The following ZBTB11 variants were observed in gnomAD, a reference collection of about 807,000 sequenced individuals.
ZBTB11 encodes the protein zinc finger and BTB domain containing 11, also known as zinc finger and BTB domain-containing protein 11.
In ZBTB11, 68 loss-of-function variants were observed where a neutral mutation model predicts 113.1. The ratio of observed to expected loss-of-function variants is 0.60; its 90% CI spans 0.49 to 0.74. The LOEUF (loss-of-function observed/expected upper bound fraction) is 0.74. Ranked by LOEUF, ZBTB11 falls within the 30% of genes least tolerant of loss-of-function variation. ZBTB11 has a pLI of 0.00. For missense variants in ZBTB11, 1,104 were observed against 1,279.4 expected (o/e 0.86, Z 2.09); for synonymous variants, 518 against 452.6 (o/e 1.14, Z -1.83).
At position 101,651,155 on chromosome 3, in the gene ZBTB11, C is replaced by T. The variant is rs547193063; in HGVS notation, c.*11G>A. The T allele has an allele frequency of 3.2e-6, 5 of 1,552,408 alleles. No individual in the cohort carries two copies. The East Asian group carries it at 1.1e-4, about 35-fold the overall frequency. On this transcript the variant is annotated 3_prime_UTR_variant, in exon 11 of 11. Coordinates refer to ENST00000312938, the MANE Select transcript of ZBTB11 (RefSeq NM_014415.4). ...AAGAGATGTCACTTCTTTTTATCTT[C>T]ATTAACATACTCATTCTCCTCCTGA...
rs1937077652 is a variant in ZBTB11 at position 101,671,021 on chromosome 3, A to C, written c.778+109T>G. 4 of 860,492 alleles carry C rather than the reference A, an allele frequency of 4.6e-6. No individual in the cohort carries two copies. The South Asian group carries it at 5.1e-5, about 11-fold the overall frequency. The allele number at this position is 860,492 out of a possible 1,614,324, so 53.3% of individuals were successfully genotyped here. A position where few individuals can be genotyped will look rare whatever the true frequency, so the allele number is the denominator to read the frequency against. ...CAGTACAGCTTAGTCTACTGTTGTTAGTGGGCTTCTCTTACTTTGGCATAA... is the reference window on the plus strand; with the variant it reads ...CAGTACAGCTTAGTCTACTGTTGTTCGTGGGCTTCTCTTACTTTGGCATAA... On this transcript the variant is annotated intron_variant, in intron 3 of 10. Transcript: ENST00000312938.
Position 101,665,050 on chromosome 3 carries a change from T to G in ZBTB11, c.1537A>C (p.Asn513His). Residue 513 changes from asparagine to histidine, a missense_variant, in exon 4 of 11, where the codon AAT becomes CAT. By Grantham distance (68) the Asn-to-His change is moderately conservative. This residue lies in a region of ZBTB11 where 535 missense variants were observed against 518.6 expected (regional missense o/e 1.03). Coordinates refer to ENST00000312938, the MANE Select transcript of ZBTB11 (RefSeq NM_014415.4). Reference protein sequence around the residue: ...YRSRLRQRSVNEGAYIRLHKG... With the variant: ...YRSRLRQRSVHEGAYIRLHKG... ...TGTAGTCGAATATATGCCCCTTCATTAACAGAACGTTGTCGAAGCCTGCTT... is the reference window on the plus strand; with the variant it reads ...TGTAGTCGAATATATGCCCCTTCATGAACAGAACGTTGTCGAAGCCTGCTT... 6.2e-7 allele frequency: 1 copy of G among 1,614,194 alleles called. No homozygotes were observed. The highest frequency in any genetic ancestry group is 8.5e-7 in the Non-Finnish European group (1 of 1,180,038).
In ZBTB11 at chr3:101,652,582, T is replaced by C; in HGVS notation, c.2558A>G (p.Lys853Arg). Residue 853 changes from lysine (K) to arginine (R), a missense_variant, in exon 10 of 11, where the codon AAG (lysine) becomes AGG (arginine). Physicochemically the swap from Lys to Arg is conservative, Grantham distance 26. This residue lies in a region of ZBTB11 where 148 missense variants were observed against 259.3 expected (regional missense o/e 0.57). Transcript: ENST00000312938. ...KATHGKKGRA[K>R]QNLERVCEKC... ...TTCACACACCCGTTCCAGGTTTTGCTTTGCTCTTCCTTTCTTCCCATGGGT... is the reference window on the plus strand; with the variant it reads ...TTCACACACCCGTTCCAGGTTTTGCCTTGCTCTTCCTTTCTTCCCATGGGT... 6.2e-7 allele frequency: 1 copy of C among 1,614,198 alleles called. No individual in the cohort carries two copies. The highest frequency in any genetic ancestry group is 8.5e-7 in the Non-Finnish European group (1 of 1,180,020).
At position 101,664,598 on chromosome 3, in the gene ZBTB11, T is replaced by C; in HGVS notation, c.1740A>G (p.Arg580=). 6.2e-7 allele frequency: 1 copy of C among 1,613,914 alleles called. No homozygotes were observed. The highest frequency in any genetic ancestry group is 8.5e-7 in the Non-Finnish European group (1 of 1,179,942). The change falls in exon 5 of 11, where the codon AGA becomes AGG. Residue 580 remains arginine (R), a synonymous_variant. Transcript: ENST00000312938. ...KCGECGMVFQ[R]RYALIMHKLK... ...GTTTGTGCATTATAAGGGCGTATCG[T>C]CTCTGAAAAACCATTCCACATTCCC...
chr3:101,675,447 C>A (rs139969996), intron 1 of ZBTB11, among the ~76,000 whole-genome samples: 3,429 of 152,312 alleles, frequency 0.023, 49 homozygotes, highest in Non-Finnish European at 0.037. Flanking sequence ...TCAGTAATTT[C>A]GTTATTCACA....
At chr3:101,653,709 G>C (rs1936745006) in intron 8 of ZBTB11, among the ~76,000 whole-genome samples, 1 of 152,148 alleles carries the variant, frequency 6.6e-6, no homozygotes, top group Non-Finnish European at 1.5e-5. Flanking sequence ...CTCCACGAAA[G>C]TAGAGGACAA....
At position 101,650,369 on chromosome 3, in the gene ZBTB11, CAAG is replaced by C; in HGVS notation, c.*794_*796del. On this transcript the variant is annotated 3_prime_UTR_variant, in exon 11 of 11. Transcript: ENST00000312938. ...TTTTCCATTAATTGTCCTATGTTATCAAGGAGAATTTTCCTGTCAACAGTGTTT... is the reference window on the plus strand; with the variant it reads ...TTTTCCATTAATTGTCCTATGTTATCGAGAATTTTCCTGTCAACAGTGTTT... 6.6e-6 allele frequency: 1 copy of C among 152,574 alleles called. No homozygotes were observed. The highest frequency in any genetic ancestry group is 1.9e-4 in the East Asian group (1 of 5,188). 9.5% of individuals were successfully genotyped at this position (152,574 alleles called of 1,614,324 possible).
chr3:101,651,739 T>TA, intron 10 of ZBTB11, 56 bp from the exon 11 acceptor site: 1 of 1,473,746 alleles, frequency 6.8e-7, no homozygotes, highest in Non-Finnish European at 9.0e-7. Flanking sequence ...AAAATATACT[T>TA]AAACTGCCTA....
At chr3:101,659,359 T>TG (rs1485211374) in intron 6 of ZBTB11, among the ~76,000 whole-genome samples, 1 of 152,228 alleles carries the variant, frequency 6.6e-6, no homozygotes, top group Non-Finnish European at 1.5e-5. Context: ...TCACTACCCT[T>TG]GAGTCTTATT....
chr3:101,675,187 A>T (rs192708844), intron 1 of ZBTB11, among the ~76,000 whole-genome samples: 100 of 152,396 alleles, frequency 6.6e-4, no homozygotes, highest in Admixed American at 1.2e-3. Flanking sequence ...TATCATCTTT[A>T]ACAAATCCTG....
In ZBTB11 at chr3:101,665,003, C is replaced by T; in HGVS notation, c.1584G>A (p.Leu528=). The change falls in exon 4 of 11, where the codon CTG becomes CTA. Residue 528 remains leucine, a synonymous_variant. Coordinates refer to ENST00000312938, the MANE Select transcript of ZBTB11 (RefSeq NM_014415.4). ...ACTTGGGAACGGCTTTCCGTTTCTG[C>T]AGCTTTTTCTCCATTCCCTTGTGTA... ...IRLHKGMEKK[L]QKRKAVPKSA... 1.2e-6 allele frequency: 2 copies of T among 1,612,668 alleles called. No individual in the cohort carries two copies. Among genetic ancestry groups the T allele is most frequent in the Non-Finnish European group, 1.7e-6 (2 of 1,179,202 alleles).
intron 1 of ZBTB11, among the ~76,000 whole-genome samples, chr3:101,672,757 G>A (rs1010809907): frequency 4.6e-5 from 7 of 152,218 alleles, no homozygotes; most frequent in African/African-American, 1.7e-4. Flanking sequence ...TATGGCTCAA[G>A]CTAATACTTC....
rs1356823383 is a variant in ZBTB11 at position 101,648,916 on chromosome 3, A to G, written c.*2250T>C. The stretch of plus-strand genomic sequence containing the variant: ...GTCCAGGAAGAATCAGGTCACATGG[A>G]CAAATTGAAGGATGGTAAATGCAGG... On this transcript the variant is annotated 3_prime_UTR_variant, in exon 11 of 11. Transcript: ENST00000312938. The G allele has an allele frequency of 6.6e-6, 1 of 152,188 alleles. No individual in the cohort carries two copies. Among genetic ancestry groups the G allele is most frequent in the Non-Finnish European group, 1.5e-5 (1 of 68,056 alleles). The allele number at this position is 152,188 out of a possible 1,614,324, so 9.4% of individuals were successfully genotyped here. A position where few individuals can be genotyped will look rare whatever the true frequency, so the allele number is the denominator to read the frequency against.
intron 8 of ZBTB11, 71 bp from the exon 9 acceptor site, chr3:101,653,009 C>G: frequency 6.7e-7 from 1 of 1,497,442 alleles, no homozygotes; most frequent in Admixed American, 2.3e-5. Context: ...AACTCAGTAA[C>G]TATTTTTAGT....
At chr3:101,654,555 A>C (rs905718198) in intron 8 of ZBTB11, 149 bp downstream of exon 8, 2 of 611,996 alleles carry the variant, frequency 3.3e-6, no homozygotes, top group Admixed American at 2.9e-5. Context: ...CGAAGATGTT[A>C]AAAATAGTAA....
At chr3:101,666,855 A>C (rs1243913007) in intron 3 of ZBTB11, among the ~76,000 whole-genome samples, 1 of 151,968 alleles carries the variant, frequency 6.6e-6, no homozygotes, top group Non-Finnish European at 1.5e-5. Context: ...GGTTCAAGCA[A>C]TTCTCCTGTC....
At chr3:101,670,144 A>G (rs1209748583) in intron 3 of ZBTB11, among the ~76,000 whole-genome samples, 1 of 152,222 alleles carries the variant, frequency 6.6e-6, no homozygotes, top group Non-Finnish European at 1.5e-5. Flanking sequence ...ATTGCTTTCT[A>G]TAAACATAAA....
At chr3:101,669,068 T>C (rs1937042457) in intron 3 of ZBTB11, among the ~76,000 whole-genome samples, 1 of 152,204 alleles carries the variant, frequency 6.6e-6, no homozygotes, top group Non-Finnish European at 1.5e-5. Flanking sequence ...GGTCTTGCTC[T>C]GTTGCCCAGG....
rs1012180634 is a variant in ZBTB11, at chr3:101,650,887, C to T, written c.*279G>A. ...GTACAGTCATTTATAAACATTAATT[C>T]ATAAAAGGTATATCATGATAAACCA... On this transcript the variant is annotated 3_prime_UTR_variant, in exon 11 of 11. Coordinates refer to ENST00000312938, the MANE Select transcript of ZBTB11 (RefSeq NM_014415.4). The T allele has an allele frequency of 8.3e-6, 2 of 240,406 alleles. No homozygotes were observed. The highest frequency in any genetic ancestry group is 2.2e-5 in the African/African-American group (1 of 44,628). The allele number at this position is 240,406 out of a possible 1,614,324, so 14.9% of individuals were successfully genotyped here. A position where few individuals can be genotyped will look rare whatever the true frequency, so the allele number is the denominator to read the frequency against.
Sources: gnomAD v4.1 joint callset for allele counts (sites outside exome capture counted in the v4.1 genomes callset) on GRCh38, gnomAD v4.1.1 for gene constraint, gnomAD v4.1.1 regional missense constraint, MANE v1.5 for transcripts, NCBI Gene and HGNC (gene_info 2026-07-23, HGNC 2026-07-21) for gene names.